The following CMSS1 variants were observed in gnomAD, a reference collection of about 807,000 sequenced individuals.
CMSS1 encodes the protein cms1 ribosomal small subunit homolog.
A neutral mutation model predicts 43.5 loss-of-function variants in CMSS1; 33 were observed. The ratio of observed to expected loss-of-function variants is 0.76; its 90% CI spans 0.57 to 1.01. The LOEUF is 1.01. Among genes scored for constraint, CMSS1 ranks in the 50% least tolerant of loss-of-function variants. The pLI is 0.00. For synonymous variants in CMSS1, 115 were observed against 117.2 expected (o/e 0.98, Z 0.12); for missense variants, 313 against 326.4 (o/e 0.96, Z 0.32).
intron 1 of CMSS1, among the ~76,000 whole-genome samples, chr3:99,976,163 C>T (rs534742425): frequency 4.7e-4 from 72 of 152,152 alleles, no homozygotes; most frequent in African/African-American, 1.6e-3. Flanking sequence ...CATAAGCCAC[C>T]GCACCTGGCC....
chr3:99,821,271 G>A (rs1412899593), intron 1 of CMSS1, among the ~76,000 whole-genome samples: 2 of 152,184 alleles, frequency 1.3e-5, no homozygotes, highest in African/African-American at 4.8e-5. Context: ...GTGTGTATGC[G>A]TGTTACCTGC....
chr3:100,153,516 G>T (rs1396557079), intron 2 of CMSS1, among the ~76,000 whole-genome samples: 1 of 152,164 alleles, frequency 6.6e-6, no homozygotes, highest in Non-Finnish European at 1.5e-5. Flanking sequence ...TTCTCCTGAG[G>T]CCTCTCCCCT....
In CMSS1 at chr3:99,983,418, ATGTATG is replaced by A. The variant is rs1331293459; in HGVS notation, c.65-163553_65-163548del. On this transcript the variant is annotated intron_variant, in intron 1 of 9. Coordinates refer to ENST00000421999, the MANE Select transcript of CMSS1 (RefSeq NM_032359.4). ...TATATATATATATATATATATATAT[ATGTATG>A]TATGTATGTATATATATGTATGTAT... 1.3e-3 allele frequency among the ~76,000 whole-genome samples: 106 copies of A among 81,956 alleles called. 1 individual carries two copies. Among genetic ancestry groups the A allele is most frequent in the African/African-American group, 4.3e-3 (83 of 19,126 alleles). The allele number at this position is 81,956 out of a possible 152,430, so 53.8% of individuals were successfully genotyped here.
At chr3:100,031,371 C>G (rs2065019250) in intron 1 of CMSS1, among the ~76,000 whole-genome samples, 2 of 152,020 alleles carry the variant, frequency 1.3e-5, no homozygotes, top group Non-Finnish European at 2.9e-5. Context: ...TCCTGTTACC[C>G]TCGTTTCCAC....
chr3:99,850,642 C>T (rs374961168), intron 1 of CMSS1: 65 of 1,613,940 alleles, frequency 4.0e-5, no homozygotes, highest in Admixed American at 6.7e-5. Context: ...TTCTGCTTTT[C>T]GTAAAGACCT....
intron 4 of CMSS1, among the ~76,000 whole-genome samples, chr3:100,162,880 C>T (rs2067035904): frequency 6.6e-6 from 1 of 152,054 alleles, no homozygotes; most frequent in Non-Finnish European, 1.5e-5. Context: ...GAGGCTGAGG[C>T]AGAAGAATCA....
intron 1 of CMSS1, among the ~76,000 whole-genome samples, chr3:99,842,393 C>G (rs965857978): frequency 6.6e-6 from 1 of 151,694 alleles, no homozygotes; most frequent in Non-Finnish European, 1.5e-5. Flanking sequence ...GTACACTGCT[C>G]GAGTGATGGT....
At chr3:100,083,638 G>A (rs1322912272) in intron 1 of CMSS1, among the ~76,000 whole-genome samples, 1 of 152,134 alleles carries the variant, frequency 6.6e-6, no homozygotes, top group Non-Finnish European at 1.5e-5. Context: ...GAAATATGAG[G>A]CCTACATTTA....
intron 1 of CMSS1, among the ~76,000 whole-genome samples, chr3:99,991,929 C>T (rs1559717187): frequency 2.1e-5 from 3 of 145,178 alleles, no homozygotes; most frequent in Non-Finnish European, 3.0e-5. Flanking sequence ...TATATACACA[C>T]ATATGTATGT....
intron 1 of CMSS1, among the ~76,000 whole-genome samples, chr3:99,929,357 G>T (rs979766358): frequency 2.0e-5 from 3 of 152,102 alleles, no homozygotes; most frequent in African/African-American, 7.2e-5. Flanking sequence ...TAAAATATAT[G>T]TTTTTAAAAA....
intron 1 of CMSS1, among the ~76,000 whole-genome samples, chr3:100,117,846 T>TACACAC (rs2066586447): frequency 1.1e-5 from 1 of 93,918 alleles, no homozygotes; most frequent in East Asian, 2.7e-4. Flanking sequence ...TATATATATA[T>TACACAC]ATATATACAT....
chr3:99,834,770 T>G (rs976248047), intron 1 of CMSS1, among the ~76,000 whole-genome samples: 1 of 152,230 alleles, frequency 6.6e-6, no homozygotes, highest in Admixed American at 6.5e-5. Flanking sequence ...GGGTAGTATC[T>G]AGAGCACAAG....
intron 1 of CMSS1, among the ~76,000 whole-genome samples, chr3:100,112,678 C>A (rs2066511081): frequency 1.3e-5 from 2 of 152,118 alleles, no homozygotes; most frequent in African/African-American, 4.8e-5. Context: ...GTATAAGAAT[C>A]CAAACCCCAC....
intron 1 of CMSS1, among the ~76,000 whole-genome samples, chr3:99,825,827 G>C (rs1576490321): frequency 2.1e-5 from 3 of 145,532 alleles, no homozygotes; most frequent in African/African-American, 7.7e-5. Flanking sequence ...CCCCAGGCTG[G>C]AGTGCAGTGG....
chr3:99,936,665 GC>G (rs1291366398), intron 1 of CMSS1, among the ~76,000 whole-genome samples: 1 of 148,628 alleles, frequency 6.7e-6, no homozygotes, highest in African/African-American at 2.5e-5. Flanking sequence ...AGCCACCTGC[GC>G]CCAGCCCGCT....
rs536344994 is a variant in CMSS1, at chr3:100,128,535, T to G, written c.65-18438T>G. ...AATGCATATTTTAATTGAGTTATAATTTACATTTATTGAGGTACTCACATC... is the reference window on the plus strand; with the variant it reads ...AATGCATATTTTAATTGAGTTATAAGTTACATTTATTGAGGTACTCACATC... On this transcript the variant is annotated intron_variant, in intron 1 of 9. Transcript: ENST00000421999. Among the ~76,000 whole-genome samples the G allele has an allele frequency of 2.3e-4, 35 of 152,320 alleles. 1 individual carries two copies. The highest frequency in any genetic ancestry group is 4.1e-4 in the South Asian group (2 of 4,826).
chr3:100,085,836 C>T (rs916249519), intron 1 of CMSS1, among the ~76,000 whole-genome samples: 2 of 152,134 alleles, frequency 1.3e-5, no homozygotes, highest in African/African-American at 4.8e-5. Flanking sequence ...CTGGAGACCT[C>T]GACTAGCAGG....
chr3:99,889,846 A>G (rs1187486725), intron 1 of CMSS1, among the ~76,000 whole-genome samples: 3 of 152,044 alleles, frequency 2.0e-5, no homozygotes, highest in South Asian at 2.1e-4. Context: ...AATTCTGAGC[A>G]TACCCTCCCA....
chr3:100,046,187 G>T (rs2065276267), intron 1 of CMSS1, among the ~76,000 whole-genome samples: 1 of 152,082 alleles, frequency 6.6e-6, no homozygotes, highest in Non-Finnish European at 1.5e-5. Flanking sequence ...ATAACTCTAT[G>T]AATCTAATCC....
Sources: gnomAD v4.1 joint callset for allele counts (sites outside exome capture counted in the v4.1 genomes callset) on GRCh38, gnomAD v4.1.1 for gene constraint, MANE v1.5 for transcripts, NCBI Gene and HGNC (gene_info 2026-07-23, HGNC 2026-07-21) for gene names.